ZFYVE28: variants seen among roughly 807,000 people sequenced by gnomAD.
The protein encoded by ZFYVE28 is lateral signaling target protein 2 homolog.
Under a neutral mutation model 82.1 loss-of-function variants are expected in ZFYVE28, and 40 were observed. That is an observed-to-expected ratio of 0.49 (90% CI 0.38 to 0.63). The LOEUF is 0.63. Ranked by LOEUF, ZFYVE28 falls within the 30% of genes least tolerant of loss-of-function variation. ZFYVE28 has a pLI of 0.00. For missense variants in ZFYVE28, 1,321 were observed against 1,242.1 expected, an observed-to-expected ratio of 1.06 and a Z score of -0.96; for synonymous variants, 612 against 546.1, an observed-to-expected ratio of 1.12 and a Z score of -1.68.
intron 8 of ZFYVE28, among the ~76,000 whole-genome samples, chr4:2,278,930 C>A (rs1174791905): frequency 1.4e-4 from 2 of 14,454 alleles, no homozygotes; most frequent in Non-Finnish European, 1.2e-4. Flanking sequence ...TTAGAATGTT[C>A]CCCCCCCCCT....
chr4:2,279,825 T>C (rs1711715963), intron 8 of ZFYVE28, among the ~76,000 whole-genome samples: 1 of 149,996 alleles, frequency 6.7e-6, no homozygotes, highest in South Asian at 2.1e-4. Flanking sequence ...TCCATTCACA[T>C]GAAATGTCTA....
chr4:2,292,263 G>A (rs1713837971), intron 8 of ZFYVE28, among the ~76,000 whole-genome samples: 1 of 152,154 alleles, frequency 6.6e-6, no homozygotes, highest in South Asian at 2.1e-4. Context: ...GGCAGCTGTG[G>A]GACTCAGTGA....
In ZFYVE28 at chr4:2,270,538, G is replaced by A. The variant is rs1054636986; in HGVS notation, c.*187C>T. On this transcript the variant is annotated 3_prime_UTR_variant, in exon 13 of 13. Coordinates refer to ENST00000290974, the MANE Select transcript of ZFYVE28 (RefSeq NM_020972.3). ...AGCTGACCTCTTGTTGGCCCCTGCA[G>A]CCGGCCCGGGGTCCCTGCAGGGAGG... 3 of 847,736 alleles carry A rather than the reference G, an allele frequency of 3.5e-6. No homozygotes were observed. Among genetic ancestry groups the A allele is most frequent in the Non-Finnish European group, 5.3e-6 (3 of 561,074 alleles). 52.5% of individuals were successfully genotyped at this position (847,736 alleles called of 1,614,324 possible). A position where few individuals can be genotyped will look rare whatever the true frequency, so the allele number is the denominator to read the frequency against.
At chr4:2,299,468 C>G (rs1367618241) in intron 8 of ZFYVE28, among the ~76,000 whole-genome samples, 1 of 149,394 alleles carries the variant, frequency 6.7e-6, no homozygotes, top group Non-Finnish European at 1.5e-5. Flanking sequence ...AAGAAATAAT[C>G]CAAGGCTGGG....
Position 2,332,673 on chromosome 4 carries a change from C to T in ZFYVE28, c.701+3032G>A, listed in dbSNP as rs909102040. Among the ~76,000 whole-genome samples the T allele has an allele frequency of 1.3e-5, 2 of 152,192 alleles. No homozygotes were observed. The highest frequency in any genetic ancestry group is 2.9e-5 in the Non-Finnish European group (2 of 68,026). ...ACGGGCAGCTGTGGCCTCTGCCTGT[C>T]CGGCTCAAAGCGGTCGCTGTGGATG... On this transcript the variant is annotated intron_variant, in intron 6 of 12. Coordinates refer to ENST00000290974, the MANE Select transcript of ZFYVE28 (RefSeq NM_020972.3). The surrounding 1 kb of genome is among the most constrained non-coding windows in gnomAD (Gnocchi z 4.7).
chr4:2,289,411 G>A (rs1052478245), intron 8 of ZFYVE28, among the ~76,000 whole-genome samples: 8 of 152,214 alleles, frequency 5.3e-5, no homozygotes, highest in African/African-American at 1.4e-4. Flanking sequence ...CCTGGGCCGC[G>A]TAACACAGGC....
At chr4:2,399,779 C>T (rs1261787237) in intron 1 of ZFYVE28, among the ~76,000 whole-genome samples, 2 of 152,242 alleles carry the variant, frequency 1.3e-5, no homozygotes, top group Non-Finnish European at 1.5e-5. Context: ...TGGAGCAGAG[C>T]TCGGAGCAGG....
chr4:2,336,807 T>TGAGGAGTGAGGAGATGAGGAGGG (rs1721814498), intron 5 of ZFYVE28, among the ~76,000 whole-genome samples: 1 of 89,604 alleles, frequency 1.1e-5, no homozygotes, highest in Non-Finnish European at 2.3e-5. Flanking sequence ...GATGAGGAGG[T>TGAGGAGTGAGGAGATGAGGAGGG]GAGGAGGTGT....
chr4:2,368,307 C>A (rs1333992449), intron 1 of ZFYVE28, among the ~76,000 whole-genome samples: 1 of 151,332 alleles, frequency 6.6e-6, no homozygotes, highest in African/African-American at 2.4e-5. Context: ...GAGGCTGAAG[C>A]GGGAAGATCG....
intron 1 of ZFYVE28, 29 bp from the exon 2 acceptor site, chr4:2,354,102 G>A (rs1404651360): frequency 4.2e-5 from 62 of 1,487,332 alleles, no homozygotes; most frequent in Non-Finnish European, 5.6e-5. Context: ...AGGGCCATGA[G>A]TGGGTGGGGA....
At chr4:2,281,874 G>C (rs192770285) in intron 8 of ZFYVE28, among the ~76,000 whole-genome samples, 14 of 152,308 alleles carry the variant, frequency 9.2e-5, no homozygotes, top group African/African-American at 2.9e-4. Flanking sequence ...CAAGTCTAGT[G>C]GGGGAGCCAC....
Position 2,362,536 on chromosome 4 carries a change from C to T in ZFYVE28, c.40-8463G>A, listed in dbSNP as rs935562698. 1.3e-5 allele frequency among the ~76,000 whole-genome samples: 2 copies of T among 152,120 alleles called. No homozygotes were observed. The highest frequency in any genetic ancestry group is 4.8e-5 in the African/African-American group (2 of 41,416). On this transcript the variant is annotated intron_variant, in intron 1 of 12. Transcript: ENST00000290974. This position sits in a 1 kb window ranked among gnomAD's most constrained non-coding sequence, Gnocchi z 5.1. ...CTGCACATGCCCAACCCCTCCTGTC[C>T]GCACTGAGGCCAGACGTCCATGGGC...
At chr4:2,274,280 G>T in intron 8 of ZFYVE28, 64 bp from the exon 9 acceptor site, 2 of 1,556,388 alleles carry the variant, frequency 1.3e-6, no homozygotes, top group Non-Finnish European at 1.7e-6. Context: ...GGAGCCCGAA[G>T]GTCACTGGTC....
intron 8 of ZFYVE28, among the ~76,000 whole-genome samples, chr4:2,298,735 G>C (rs534829688): frequency 2.6e-5 from 4 of 152,226 alleles, no homozygotes; most frequent in African/African-American, 9.6e-5. Context: ...CCTTGCCCCC[G>C]TGGGACGGAC....
At chr4:2,404,700 A>T (rs546155575) in intron 1 of ZFYVE28, among the ~76,000 whole-genome samples, 1 of 152,192 alleles carries the variant, frequency 6.6e-6, no homozygotes, top group South Asian at 2.1e-4. Context: ...GAGTGACTAC[A>T]TAATAGAAAC....
chr4:2,411,888 G>A (rs1560360679), intron 1 of ZFYVE28, among the ~76,000 whole-genome samples: 1 of 152,192 alleles, frequency 6.6e-6, no homozygotes, highest in Non-Finnish European at 1.5e-5. Context: ...AACAAATGGG[G>A]GGCACAGGCC....
chr4:2,401,939 C>T (rs1051514216), intron 1 of ZFYVE28, among the ~76,000 whole-genome samples: 6 of 152,346 alleles, frequency 3.9e-5, no homozygotes, highest in East Asian at 1.9e-4. Flanking sequence ...CTCCCTGAAG[C>T]CCCGTGTGCG....
chr4:2,310,955 A>AATG (rs1307388253), intron 7 of ZFYVE28, among the ~76,000 whole-genome samples: 2 of 152,236 alleles, frequency 1.3e-5, no homozygotes. Context: ...GTTTTAAAAT[A>AATG]ATGAATTCAA....
At chr4:2,349,524 AAAAAT>A (rs1022017688) in intron 2 of ZFYVE28, among the ~76,000 whole-genome samples, 2 of 152,214 alleles carry the variant, frequency 1.3e-5, no homozygotes, top group African/African-American at 2.4e-5. Context: ...TAATAATAAA[AAAAAT>A]AAAATAAATT....
Sources: allele counts gnomAD v4.1 joint callset (sites outside exome capture counted in the v4.1 genomes callset), GRCh38; gene constraint gnomAD v4.1.1; non-coding constraint Gnocchi (gnomAD v3.1); transcripts MANE v1.5; gene names NCBI Gene and HGNC (gene_info 2026-07-23, HGNC 2026-07-21).